The following AUTS2 variants were observed in gnomAD, a reference collection of about 807,000 sequenced individuals.
The protein encoded by AUTS2 is activator of transcription and developmental regulator AUTS2, also known as autism susceptibility gene 2 protein.
AUTS2 carries 17 observed loss-of-function variants against 112.4 expected under a neutral mutation model. That is an observed-to-expected ratio of 0.15 (90% CI 0.10 to 0.23). The LOEUF (loss-of-function observed/expected upper bound fraction) is 0.23. Among genes scored for constraint, AUTS2 ranks in the 10% least tolerant of loss-of-function variants. The probability of loss-of-function intolerance (pLI) is 1.00; values close to 1 mark genes in which losing one functional copy is unlikely to be tolerated. For synonymous variants in AUTS2, 751 were observed against 702.7 expected (o/e 1.07, Z -1.09); for missense variants, 1,510 against 1,701.6 (o/e 0.89, Z 1.98).
At chr7:69,829,040 A>G (rs1791379363) in intron 1 of AUTS2, among the ~76,000 whole-genome samples, 2 of 152,188 alleles carry the variant, frequency 1.3e-5, no homozygotes, top group Non-Finnish European at 1.5e-5. Context: ...GTACCAAAAC[A>G]TACATATAGA....
intron 4 of AUTS2, among the ~76,000 whole-genome samples, chr7:70,428,827 T>A (rs1290933000): frequency 6.6e-6 from 1 of 152,204 alleles, no homozygotes. Flanking sequence ...CATCACAAGG[T>A]ACCTAGAATT....
intron 2 of AUTS2, among the ~76,000 whole-genome samples, chr7:69,991,005 A>C (rs190754925): frequency 6.6e-6 from 1 of 152,072 alleles, no homozygotes; most frequent in African/African-American, 2.4e-5. Flanking sequence ...GAGAGAGGAG[A>C]GTTTTCTTTT....
At chr7:70,181,464 C>T (rs547184667) in intron 4 of AUTS2, among the ~76,000 whole-genome samples, 4 of 151,808 alleles carry the variant, frequency 2.6e-5, no homozygotes, top group Non-Finnish European at 5.9e-5. Context: ...TCATATTTCA[C>T]AGTTCTGCTA....
chr7:69,763,308 T>C (rs1288230168), intron 1 of AUTS2, among the ~76,000 whole-genome samples: 6 of 152,192 alleles, frequency 3.9e-5, no homozygotes, highest in Non-Finnish European at 8.8e-5. Flanking sequence ...CCTTCAGATC[T>C]TGGGATCTCA....
chr7:69,614,148 A>G (rs1183826953), intron 1 of AUTS2, among the ~76,000 whole-genome samples: 4 of 151,962 alleles, frequency 2.6e-5, no homozygotes, highest in Non-Finnish European at 5.9e-5. Context: ...ATTCTCTGGG[A>G]CTTCACGATT....
chr7:70,043,537 C>T (rs1343208261), intron 2 of AUTS2, among the ~76,000 whole-genome samples: 1 of 147,170 alleles, frequency 6.8e-6, no homozygotes, highest in Non-Finnish European at 1.5e-5. Context: ...CCCTCCTTGC[C>T]TCCTTCCCTC....
At chr7:70,586,007 C>T (rs957429408) in intron 5 of AUTS2, among the ~76,000 whole-genome samples, 2 of 152,034 alleles carry the variant, frequency 1.3e-5, no homozygotes, top group Admixed American at 1.3e-4. Context: ...GGATTACAAG[C>T]ATGCGCCACC....
intron 2 of AUTS2, among the ~76,000 whole-genome samples, chr7:70,111,497 A>T (rs1250152813): frequency 1.3e-5 from 2 of 152,210 alleles, no homozygotes; most frequent in Admixed American, 6.5e-5. Context: ...TGCAATCATC[A>T]CCATACAACA....
intron 4 of AUTS2, among the ~76,000 whole-genome samples, chr7:70,162,317 G>T (rs1808123201): frequency 6.7e-6 from 1 of 148,872 alleles, no homozygotes; most frequent in African/African-American, 2.5e-5. Flanking sequence ...GTAGTGGCGG[G>T]CGCCTGTAGT....
At chr7:69,971,747 G>C (rs1328735114) in intron 2 of AUTS2, among the ~76,000 whole-genome samples, 1 of 152,140 alleles carries the variant, frequency 6.6e-6, no homozygotes, top group Non-Finnish European at 1.5e-5. Context: ...TTTTTACTCA[G>C]CATAATGTTT....
At chr7:70,361,804 T>C (rs906601418) in intron 4 of AUTS2, among the ~76,000 whole-genome samples, 23 of 152,286 alleles carry the variant, frequency 1.5e-4, no homozygotes, top group African/African-American at 5.1e-4. Context: ...TGTGACTTGT[T>C]CAACTCTGCA....
intron 2 of AUTS2, among the ~76,000 whole-genome samples, chr7:69,963,675 T>C (rs1404689433): frequency 6.6e-6 from 1 of 152,168 alleles, no homozygotes; most frequent in East Asian, 1.9e-4. Context: ...TGAGCCTATT[T>C]AATTCTTACA....
At chr7:70,725,894 C>T (rs7805679) in intron 6 of AUTS2, among the ~76,000 whole-genome samples, 34,734 of 151,658 alleles carry the variant, frequency 0.23, 4,839 homozygotes, top group East Asian at 0.58. Flanking sequence ...GGGTGGTGGG[C>T]GCCTGTAGTC....
At chr7:70,477,047 C>G (rs1797610141) in intron 5 of AUTS2, among the ~76,000 whole-genome samples, 3 of 152,184 alleles carry the variant, frequency 2.0e-5, no homozygotes, top group African/African-American at 7.2e-5. Flanking sequence ...GATAAAGTCT[C>G]ACTACTTTGA....
Position 70,771,588 on chromosome 7 carries a change from C to T in AUTS2, c.1774C>T (p.Pro592Ser), listed in dbSNP as rs199756061. Residue 592 changes from proline (P) to serine (S), a missense_variant, in exon 11 of 19, where the codon CCT becomes TCT. Physicochemically the swap from Pro to Ser is moderately conservative, Grantham distance 74. Coordinates refer to ENST00000342771, the MANE Select transcript of AUTS2 (RefSeq NM_015570.4). Reference protein sequence around the residue: ...SYPPAVSGIPPMIPPTGPFGS... With the variant: ...SYPPAVSGIPSMIPPTGPFGS... ...TCCTCCTGCAGTGTCGGGCATCCCCCCTATGATCCCACCCACTGGCCCTTT... is the reference window on the plus strand; with the variant it reads ...TCCTCCTGCAGTGTCGGGCATCCCCTCTATGATCCCACCCACTGGCCCTTT... The T allele has an allele frequency of 8.6e-5, 139 of 1,613,658 alleles. No homozygotes were observed. The South Asian group carries it at 1.1e-3, about 13-fold the overall frequency.
chr7:70,784,819 G>A (rs1295869844), intron 15 of AUTS2, 123 bp from the exon 16 acceptor site: 4 of 718,172 alleles, frequency 5.6e-6, no homozygotes, highest in African/African-American at 5.4e-5. Context: ...GGGCCTGGGT[G>A]GACTTCAGCC....
chr7:70,610,423 CTTTTTTTTTTTT>C (rs3054735), intron 5 of AUTS2, among the ~76,000 whole-genome samples: 44 of 77,440 alleles, frequency 5.7e-4, no homozygotes, highest in Admixed American at 3.8e-3. Context: ...TAGCGCTCAT[CTTTTTTTTTTTT>C]TTTTTTTTTT....
intron 4 of AUTS2, among the ~76,000 whole-genome samples, chr7:70,333,814 GAGGGC>G (rs1790869541): frequency 6.6e-6 from 1 of 152,216 alleles, no homozygotes; most frequent in Non-Finnish European, 1.5e-5. Context: ...TTGGGGGGTG[GAGGGC>G]TAGGGGAGGG....
intron 1 of AUTS2, among the ~76,000 whole-genome samples, chr7:69,718,538 C>T (rs1798743652): frequency 6.6e-6 from 1 of 152,174 alleles, no homozygotes; most frequent in African/African-American, 2.4e-5. Context: ...CTCTTTGTTT[C>T]TCTTTTCCAT....
Sources: allele counts gnomAD v4.1 joint callset (sites outside exome capture counted in the v4.1 genomes callset), GRCh38; gene constraint gnomAD v4.1.1; transcripts MANE v1.5; gene names NCBI Gene and HGNC (gene_info 2026-07-23, HGNC 2026-07-21).